The following RASGEF1C variants were observed in gnomAD, a reference collection of about 807,000 sequenced individuals.
RASGEF1C encodes the protein RasGEF domain family member 1C.
RASGEF1C carries 27 observed loss-of-function variants against 58.1 expected under a neutral mutation model. The observed-to-expected ratio is 0.46, with a 90% confidence interval of 0.34 to 0.64. The LOEUF is 0.64. Among genes scored for constraint, RASGEF1C ranks in the 30% least tolerant of loss-of-function variants. The pLI, the probability that RASGEF1C is intolerant of heterozygous loss-of-function variation, is 0.01. For synonymous variants in RASGEF1C, 243 were observed against 246.3 expected, an observed-to-expected ratio of 0.99 and a Z score of 0.13; for missense variants, 502 against 605.1, an observed-to-expected ratio of 0.83 and a Z score of 1.79.
intron 4 of RASGEF1C, among the ~76,000 whole-genome samples, chr5:180,131,918 GTTCTAGC>G (rs916740953): frequency 6.6e-6 from 1 of 152,166 alleles, no homozygotes; most frequent in African/African-American, 2.4e-5. Context: ...GTGATGTTAG[GTTCTAGC>G]TTGTTTGTTC....
At chr5:180,129,769 A>G (rs1367769657) in intron 4 of RASGEF1C, among the ~76,000 whole-genome samples, 3 of 152,194 alleles carry the variant, frequency 2.0e-5, no homozygotes, top group Non-Finnish European at 4.4e-5. Flanking sequence ...GCCAGTGCCC[A>G]GGCCGGCTCC....
chr5:180,142,417 A>G (rs1323308624), intron 1 of RASGEF1C, among the ~76,000 whole-genome samples: 2 of 152,194 alleles, frequency 1.3e-5, no homozygotes, highest in African/African-American at 4.8e-5. Flanking sequence ...CAATGTACCA[A>G]GAGCGTTATG....
chr5:180,164,506 G>A (rs1326781445), intron 1 of RASGEF1C, among the ~76,000 whole-genome samples: 1 of 152,090 alleles, frequency 6.6e-6, no homozygotes, highest in Non-Finnish European at 1.5e-5. Context: ...TTTTCATTCA[G>A]TTAAAAATGT....
intron 12 of RASGEF1C, among the ~76,000 whole-genome samples, chr5:180,104,563 AT>A (rs1264965267): frequency 6.6e-6 from 1 of 152,170 alleles, no homozygotes; most frequent in Non-Finnish European, 1.5e-5. Context: ...AGTCTAAGGT[AT>A]TTTGTTACGG....
chr5:180,130,190 C>A (rs1020664230), intron 4 of RASGEF1C, among the ~76,000 whole-genome samples: 12 of 152,164 alleles, frequency 7.9e-5, no homozygotes, highest in Non-Finnish European at 1.5e-4. Flanking sequence ...AAAGAAGTCG[C>A]ATAGGGTGAC....
intron 1 of RASGEF1C, among the ~76,000 whole-genome samples, chr5:180,178,250 C>T (rs145583153): frequency 0.026 from 3,599 of 136,734 alleles, 177 homozygotes; most frequent in African/African-American, 0.095. Flanking sequence ...TGGGATTACA[C>T]GTGTGAGCCA....
chr5:180,154,499 T>C (rs1350397626), intron 1 of RASGEF1C, among the ~76,000 whole-genome samples: 4 of 151,974 alleles, frequency 2.6e-5, no homozygotes, highest in Admixed American at 6.5e-5. Flanking sequence ...CACTTTACAG[T>C]TGAATAAACC....
intron 12 of RASGEF1C, among the ~76,000 whole-genome samples, chr5:180,103,377 C>T (rs1439833556): frequency 6.6e-6 from 1 of 152,302 alleles, no homozygotes; most frequent in East Asian, 1.9e-4. Context: ...GCACCCGGCA[C>T]ATCAGCATTA....
At chr5:180,182,204 C>CAAAAAAAAAAAAAAAA (rs1156831010) in intron 1 of RASGEF1C, among the ~76,000 whole-genome samples, 3 of 22,766 alleles carry the variant, frequency 1.3e-4, no homozygotes, top group Non-Finnish European at 1.6e-4. Context: ...GACTCCGTCT[C>CAAAAAAAAAAAAAAAA]AAAAAAAAAA....
Position 180,177,604 on chromosome 5 carries a change from C to G in RASGEF1C, c.-7+31424G>C, listed in dbSNP as rs574656873. On this transcript the variant is annotated intron_variant, in intron 1 of 13. Transcript: ENST00000361132. The surrounding 1 kb of genome is among the most constrained non-coding windows in gnomAD (Gnocchi z 5.0). The stretch of plus-strand genomic sequence containing the variant: ...GCCCATTTGTCCTTCCTCTCCTGCC[C>G]GTGGTAGGAGGACATGGCCCTGGTG... Among the ~76,000 whole-genome samples the G allele has an allele frequency of 6.6e-6, 1 of 152,190 alleles. No individual in the cohort carries two copies. Among genetic ancestry groups the G allele is most frequent in the African/African-American group, 2.4e-5 (1 of 41,440 alleles).
At chr5:180,103,489 CAT>C (rs748984792) in intron 12 of RASGEF1C, among the ~76,000 whole-genome samples, 89 of 152,314 alleles carry the variant, frequency 5.8e-4, no homozygotes, top group African/African-American at 2.0e-3. Flanking sequence ...TCAGCGTGCA[CAT>C]GTTTATTGCT....
intron 1 of RASGEF1C, among the ~76,000 whole-genome samples, chr5:180,169,532 C>T (rs1351132658): frequency 6.6e-6 from 1 of 151,248 alleles, no homozygotes; most frequent in African/African-American, 2.4e-5. Context: ...AGCAACAGGG[C>T]CCAAGGGGAA....
intron 1 of RASGEF1C, among the ~76,000 whole-genome samples, chr5:180,165,832 C>T (rs1395733960): frequency 1.5e-5 from 2 of 136,138 alleles, no homozygotes; most frequent in African/African-American, 5.4e-5. Context: ...TCACTGCAAG[C>T]TCTGCCTCCC....
At chr5:180,141,137 A>C (rs1230045143) in intron 1 of RASGEF1C, among the ~76,000 whole-genome samples, 1 of 152,236 alleles carries the variant, frequency 6.6e-6, no homozygotes, top group Non-Finnish European at 1.5e-5. Flanking sequence ...TGTATTACAC[A>C]AAAAGGTAGC....
chr5:180,195,741 G>A (rs578153380), intron 1 of RASGEF1C, among the ~76,000 whole-genome samples: 22 of 151,964 alleles, frequency 1.4e-4, no homozygotes, highest in African/African-American at 3.9e-4. Context: ...CTCCAGCCTG[G>A]GCGACAGAGC....
At position 180,130,940 on chromosome 5, in the gene RASGEF1C, G is replaced by A. The variant is rs572208449; in HGVS notation, c.439-2330C>T. ...TATTCCCAGTGTTGGTGGATAGCGCGTCGGCCACCAGACACACAGGCTTGG... is the reference window on the plus strand; with the variant it reads ...TATTCCCAGTGTTGGTGGATAGCGCATCGGCCACCAGACACACAGGCTTGG... On this transcript the variant is annotated intron_variant, in intron 4 of 13. Transcript: ENST00000361132. 2.6e-5 allele frequency among the ~76,000 whole-genome samples: 4 copies of A among 152,200 alleles called. No individual in the cohort carries two copies. In the South Asian group the frequency reaches 8.3e-4, roughly 32 times the overall value.
At chr5:180,149,289 T>C (rs746004169) in intron 1 of RASGEF1C, among the ~76,000 whole-genome samples, 3 of 151,212 alleles carry the variant, frequency 2.0e-5, no homozygotes, top group African/African-American at 7.3e-5. Context: ...AGTTTCACCA[T>C]GTTGGCCAGG....
rs550949376 is a variant in RASGEF1C at position 180,158,665 on chromosome 5, C to A, written c.-6-20607G>T. Among the ~76,000 whole-genome samples the A allele has an allele frequency of 6.6e-6, 1 of 152,252 alleles. No individual in the cohort carries two copies. The highest frequency in any genetic ancestry group is 2.1e-4 in the South Asian group (1 of 4,818). On this transcript the variant is annotated intron_variant, in intron 1 of 13. Transcript: ENST00000361132. This position sits in a 1 kb window ranked among gnomAD's most constrained non-coding sequence, Gnocchi z 4.0. Reference sequence around the variant, plus strand: ...TATCCCAAGAAAAACCCCTCAGTCCCAGGTAAACAAAGCCAGTTGGTCACC... The same window carrying A: ...TATCCCAAGAAAAACCCCTCAGTCCAAGGTAAACAAAGCCAGTTGGTCACC...
At chr5:180,181,125 C>G (rs1269527599) in intron 1 of RASGEF1C, among the ~76,000 whole-genome samples, 1 of 152,246 alleles carries the variant, frequency 6.6e-6, no homozygotes, top group Non-Finnish European at 1.5e-5. Flanking sequence ...GGCTCTGCCC[C>G]TCCCATCACT....
Sources: allele counts gnomAD v4.1 joint callset (sites outside exome capture counted in the v4.1 genomes callset), GRCh38; gene constraint gnomAD v4.1.1; non-coding constraint Gnocchi (gnomAD v3.1); transcripts MANE v1.5; gene names NCBI Gene and HGNC (gene_info 2026-07-23, HGNC 2026-07-21).